Variants in HS2ST1 observed in about 807,000 individuals in gnomAD.
HS2ST1 encodes heparan sulfate 2-O-sulfotransferase 1.
A neutral mutation model predicts 42.9 loss-of-function variants in HS2ST1; 18 were observed. The ratio of observed to expected loss-of-function variants is 0.42; its 90% CI spans 0.29 to 0.62. The LOEUF is 0.62. HS2ST1 is among the 20% of genes least tolerant of loss of function. HS2ST1 has a pLI of 0.21. For synonymous variants in HS2ST1, 146 were observed against 152.9 expected, an observed-to-expected ratio of 0.95 and a Z score of 0.33; for missense variants, 334 against 433.8, an observed-to-expected ratio of 0.77 and a Z score of 2.04.
At chr1:86,969,709 A>T (rs2102207774) in intron 1 of HS2ST1, among the ~76,000 whole-genome samples, 1 of 151,680 alleles carries the variant, frequency 6.6e-6, no homozygotes, top group Admixed American at 6.6e-5. Flanking sequence ...TTAATTAAGT[A>T]TAAAATAATT....
rs150494503 is a variant in HS2ST1 at position 86,952,943 on chromosome 1, G to A, written c.124+37783G>A. 1.3e-3 allele frequency among the ~76,000 whole-genome samples: 197 copies of A among 152,272 alleles called. 2 individuals carry two copies. Among genetic ancestry groups the A allele is most frequent in the African/African-American group, 4.5e-3 (187 of 41,552 alleles). On this transcript the variant is annotated intron_variant, in intron 1 of 6. Transcript: ENST00000370550. ...GAGTCAGCTTGTTCTTCGAAGGCAGGCATTGACTTCTCTATAGCTATGAAA... is the reference window on the plus strand; with the variant it reads ...GAGTCAGCTTGTTCTTCGAAGGCAGACATTGACTTCTCTATAGCTATGAAA...
chr1:87,010,928 G>C (rs1217693492), intron 1 of HS2ST1, among the ~76,000 whole-genome samples: 2 of 152,058 alleles, frequency 1.3e-5, no homozygotes, highest in East Asian at 3.9e-4. Context: ...TGGGACTACA[G>C]GTGTGTGCTG....
chr1:86,978,439 AT>A (rs1410359818), intron 1 of HS2ST1, among the ~76,000 whole-genome samples: 2 of 152,206 alleles, frequency 1.3e-5, no homozygotes, highest in Admixed American at 1.3e-4. Context: ...CTCATGAGAA[AT>A]TTTTAAAGAG....
chr1:86,986,063 C>T (rs1307395232), intron 1 of HS2ST1, among the ~76,000 whole-genome samples: 7 of 145,828 alleles, frequency 4.8e-5, no homozygotes, highest in Non-Finnish European at 9.0e-5. Context: ...TTTTAATCTC[C>T]CACATTTTCC....
chr1:87,014,740 C>T (rs1649700361), intron 1 of HS2ST1, among the ~76,000 whole-genome samples: 1 of 152,218 alleles, frequency 6.6e-6, no homozygotes, highest in South Asian at 2.1e-4. Flanking sequence ...TCAATAAATA[C>T]TTCTACCCAA....
chr1:87,007,215 T>TA (rs879724705), intron 1 of HS2ST1, among the ~76,000 whole-genome samples: 31 of 152,098 alleles, frequency 2.0e-4, no homozygotes, highest in Non-Finnish European at 3.1e-4. Context: ...TAGTTTTTTT[T>TA]AAAAAGTTTA....
chr1:86,985,124 G>A (rs1013264180), intron 1 of HS2ST1, among the ~76,000 whole-genome samples: 2 of 150,914 alleles, frequency 1.3e-5, no homozygotes, highest in Non-Finnish European at 1.5e-5. Flanking sequence ...GGGAGGCTGA[G>A]GTGGGCGGAT....
intron 1 of HS2ST1, among the ~76,000 whole-genome samples, chr1:87,012,365 A>G (rs1461154881): frequency 6.6e-6 from 1 of 152,200 alleles, no homozygotes; most frequent in African/African-American, 2.4e-5. Flanking sequence ...CTTACATGGT[A>G]GCAAGCAAGA....
At chr1:87,068,283 C>G (rs1350075163) in intron 1 of HS2ST1, among the ~76,000 whole-genome samples, 1 of 152,128 alleles carries the variant, frequency 6.6e-6, no homozygotes, top group Non-Finnish European at 1.5e-5. Context: ...TCCTTCACAT[C>G]CCTTGTAAGC....
In HS2ST1 at chr1:87,106,483, T is replaced by C. The variant is rs1278778301; in HGVS notation, c.*1787T>C. 3 of 152,100 alleles carry C rather than the reference T, an allele frequency of 2.0e-5. No homozygotes were observed. The highest frequency in any genetic ancestry group is 4.4e-5 in the Non-Finnish European group (3 of 67,948). 9.4% of individuals were successfully genotyped at this position (152,100 alleles called of 1,614,324 possible). ...AATATTTCTGAATAAGGCTTCACCA[T>C]ACTGTAAGCATTTTAGGTAGATTGC... On this transcript the variant is annotated 3_prime_UTR_variant, in exon 7 of 7. Coordinates refer to ENST00000370550, the MANE Select transcript of HS2ST1 (RefSeq NM_012262.4).
At chr1:86,948,042 G>T (rs1647389584) in intron 1 of HS2ST1, among the ~76,000 whole-genome samples, 1 of 151,976 alleles carries the variant, frequency 6.6e-6, no homozygotes, top group African/African-American at 2.4e-5. Context: ...CTGTATCAGG[G>T]AGTGAAGTTT....
At chr1:86,923,771 C>T (rs899646329) in intron 1 of HS2ST1, among the ~76,000 whole-genome samples, 1 of 152,250 alleles carries the variant, frequency 6.6e-6, no homozygotes, top group South Asian at 2.1e-4. Flanking sequence ...GAAAGACTTG[C>T]CCCCATGATT....
intron 1 of HS2ST1, among the ~76,000 whole-genome samples, chr1:87,070,329 A>G (rs1651370888): frequency 6.6e-6 from 1 of 152,146 alleles, no homozygotes; most frequent in Admixed American, 6.5e-5. Flanking sequence ...AGTGGCTCAC[A>G]CCTACAATCC....
At chr1:87,088,746 G>T (rs987406355) in intron 3 of HS2ST1, among the ~76,000 whole-genome samples, 3 of 151,418 alleles carry the variant, frequency 2.0e-5, no homozygotes, top group Non-Finnish European at 4.4e-5. Flanking sequence ...ATTACAAAAT[G>T]TGAGCCATTC....
At chr1:86,974,264 GA>G (rs1272401333) in intron 1 of HS2ST1, among the ~76,000 whole-genome samples, 1 of 152,122 alleles carries the variant, frequency 6.6e-6, no homozygotes, top group Non-Finnish European at 1.5e-5. Context: ...AGGGACTGGA[GA>G]TTGAATTAAT....
At chr1:87,059,148 T>C (rs1259255939) in intron 1 of HS2ST1, among the ~76,000 whole-genome samples, 1 of 152,226 alleles carries the variant, frequency 6.6e-6, no homozygotes, top group Non-Finnish European at 1.5e-5. Context: ...CTGATAATTA[T>C]ATACCTATTG....
chr1:87,064,871 C>G (rs1020210739), intron 1 of HS2ST1, among the ~76,000 whole-genome samples: 1 of 152,154 alleles, frequency 6.6e-6, no homozygotes. Context: ...CCGTGTTGCT[C>G]AGGCTGGTCT....
chr1:86,980,257 T>C lies in HS2ST1; in HGVS notation c.124+65097T>C, dbSNP rs139723176. 4.6e-3 allele frequency among the ~76,000 whole-genome samples: 698 copies of C among 152,238 alleles called. 4 individuals carry two copies. The highest frequency in any genetic ancestry group is 0.02 in the Middle Eastern group (6 of 294). ...GAGAGACATATGACAAATTAATGAA[T>C]ACAAAATTAAAATATAACTGTCATG... is the stretch of plus-strand genomic sequence containing the variant. On this transcript the variant is annotated intron_variant, in intron 1 of 6. Coordinates refer to ENST00000370550, the MANE Select transcript of HS2ST1 (RefSeq NM_012262.4).
Position 87,103,314 on chromosome 1 carries a change from T to C in HS2ST1, c.687-118T>C, listed in dbSNP as rs1652258892. The C allele has an allele frequency of 1.3e-5, 11 of 871,792 alleles. No homozygotes were observed. In the South Asian group the frequency reaches 2.6e-4, roughly 20 times the overall value. The allele number at this position is 871,792 out of a possible 1,614,324, so 54.0% of individuals were successfully genotyped here. A position where few individuals can be genotyped will look rare whatever the true frequency, so the allele number is the denominator to read the frequency against. The stretch of plus-strand genomic sequence containing the variant: ...CCCACAGGATGGTAATAAAGAGGCA[T>C]TGAGGCTTTGGATATACATGTGTTT... On this transcript the variant is annotated intron_variant, in intron 5 of 6. Transcript: ENST00000370550.
Sources: gnomAD v4.1 joint callset for allele counts (sites outside exome capture counted in the v4.1 genomes callset) on GRCh38, gnomAD v4.1.1 for gene constraint, MANE v1.5 for transcripts, NCBI Gene and HGNC (gene_info 2026-07-23, HGNC 2026-07-21) for gene names.